The following OSBP2 variants were observed in gnomAD, a reference collection of about 807,000 sequenced individuals.
OSBP2 encodes the protein oxysterol-binding protein 2.
Under a neutral mutation model 96.0 loss-of-function variants are expected in OSBP2, and 66 were observed. The ratio of observed to expected loss-of-function variants is 0.69; its 90% CI spans 0.56 to 0.84. The LOEUF is 0.84. OSBP2 is among the 40% of genes least tolerant of loss of function. OSBP2 has a pLI of 0.00. For missense variants in OSBP2, 1,038 were observed against 1,222.7 expected (o/e 0.85, Z 2.25); for synonymous variants, 525 against 520.9 (o/e 1.01, Z -0.11).
chr22:30,895,311 C>A (rs2040039342), intron 12 of OSBP2, among the ~76,000 whole-genome samples: 1 of 151,738 alleles, frequency 6.6e-6, no homozygotes, highest in African/African-American at 2.4e-5. Flanking sequence ...ATAAATTTCC[C>A]AAAGTAAAAG....
At chr22:30,784,188 T>TA (rs1363488257) in intron 2 of OSBP2, among the ~76,000 whole-genome samples, 2 of 152,204 alleles carry the variant, frequency 1.3e-5, no homozygotes, top group Non-Finnish European at 2.9e-5. Flanking sequence ...CACTTAGTGA[T>TA]AAAAGTACCA....
At chr22:30,888,778 T>G (rs1281846305) in intron 5 of OSBP2, among the ~76,000 whole-genome samples, 1 of 152,128 alleles carries the variant, frequency 6.6e-6, no homozygotes, top group Non-Finnish European at 1.5e-5. Flanking sequence ...CATTGTTGTG[T>G]GAGCCTCATA....
chr22:30,881,650 CT>C lies in OSBP2; in HGVS notation c.1108-5774del. On this transcript the variant is annotated intron_variant, in intron 3 of 13. Coordinates refer to ENST00000332585, the MANE Select transcript of OSBP2 (RefSeq NM_030758.4). This position sits in a 1 kb window ranked among gnomAD's most constrained non-coding sequence, Gnocchi z 4.5. Reference sequence around the variant, plus strand: ...CTGCCGGGCCCCAAGCCTAATCCAGCTTATCAAGCACACAGCACACAGCCCA... The same window carrying C: ...CTGCCGGGCCCCAAGCCTAATCCAGCTATCAAGCACACAGCACACAGCCCA... 7.7e-7 allele frequency: 1 copy of C among 1,301,786 alleles called. No individual in the cohort carries two copies. The highest frequency in any genetic ancestry group is 1.2e-5 in the South Asian group (1 of 80,964). 80.6% of individuals were successfully genotyped at this position (1,301,786 alleles called of 1,614,324 possible). A position where few individuals can be genotyped will look rare whatever the true frequency, so the allele number is the denominator to read the frequency against.
chr22:30,736,097 G>A lies in OSBP2; in HGVS notation c.645-5064G>A, dbSNP rs577904302. ...CCCAGCTAATTTTTGTATTTTTAGT[G>A]GAGATGGGGTTTCACCATGTTGTCC... On this transcript the variant is annotated intron_variant, in intron 1 of 13. Transcript: ENST00000332585. 4.6e-5 allele frequency among the ~76,000 whole-genome samples: 7 copies of A among 151,850 alleles called. No individual in the cohort carries two copies. In the South Asian group the frequency reaches 1.5e-3, roughly 32 times the overall value.
At chr22:30,708,829 G>A (rs551680973) in intron 1 of OSBP2, among the ~76,000 whole-genome samples, 1 of 151,540 alleles carries the variant, frequency 6.6e-6, no homozygotes, top group South Asian at 2.1e-4. Flanking sequence ...GGCCAGGGGG[G>A]TTGGCTCATG....
intron 2 of OSBP2, among the ~76,000 whole-genome samples, chr22:30,776,305 A>G (rs1393014076): frequency 3.3e-5 from 5 of 151,350 alleles, no homozygotes; most frequent in East Asian, 1.9e-4. Flanking sequence ...TTTTATTTTT[A>G]GTGGAGATGG....
intron 3 of OSBP2, among the ~76,000 whole-genome samples, chr22:30,880,118 A>G (rs1215073289): frequency 6.6e-6 from 1 of 151,922 alleles, no homozygotes; most frequent in African/African-American, 2.4e-5. Context: ...CTGTTACTCC[A>G]GTGAGTCCCC....
At chr22:30,732,111 C>G (rs2089789695) in intron 1 of OSBP2, among the ~76,000 whole-genome samples, 1 of 152,148 alleles carries the variant, frequency 6.6e-6, no homozygotes, top group Non-Finnish European at 1.5e-5. Context: ...CAAGACCAGC[C>G]TCACTAACAT....
intron 2 of OSBP2, among the ~76,000 whole-genome samples, chr22:30,844,205 G>A (rs1427958582): frequency 6.6e-6 from 1 of 152,138 alleles, no homozygotes; most frequent in African/African-American, 2.4e-5. Flanking sequence ...GGGCCCTAGG[G>A]TCTTTGGAAT....
intron 1 of OSBP2, among the ~76,000 whole-genome samples, chr22:30,731,122 C>T (rs1230841461): frequency 1.3e-5 from 2 of 151,490 alleles, no homozygotes; most frequent in South Asian, 4.2e-4. Flanking sequence ...TGCAGTGAGC[C>T]GAGATCGCGC....
At chr22:30,710,887 A>G (rs1038932002) in intron 1 of OSBP2, among the ~76,000 whole-genome samples, 27 of 152,064 alleles carry the variant, frequency 1.8e-4, no homozygotes. Flanking sequence ...CTGGGATTAC[A>G]GGCGCCTGCC....
chr22:30,705,501 C>G (rs1243670685), intron 1 of OSBP2, among the ~76,000 whole-genome samples: 2 of 152,100 alleles, frequency 1.3e-5, no homozygotes, highest in South Asian at 2.1e-4. Flanking sequence ...CCATGTTGGT[C>G]AGGCTGGTCT....
chr22:30,742,860 C>A (rs1333864473), intron 2 of OSBP2, among the ~76,000 whole-genome samples: 1 of 152,170 alleles, frequency 6.6e-6, no homozygotes, highest in Non-Finnish European at 1.5e-5. Flanking sequence ...TTCCAGGAAG[C>A]CGGCTTGCTG....
At chr22:30,711,366 C>T (rs760625621) in intron 1 of OSBP2, among the ~76,000 whole-genome samples, 1 of 151,598 alleles carries the variant, frequency 6.6e-6, no homozygotes, top group Non-Finnish European at 1.5e-5. Flanking sequence ...TATCCTGGCT[C>T]GGTATAAAGC....
At position 30,755,545 on chromosome 22, in the gene OSBP2, C is replaced by T. The variant is rs543438927; in HGVS notation, c.853+14176C>T. The stretch of plus-strand genomic sequence containing the variant: ...TTTAAGCAGCTTCCGAAGTGTAGGC[C>T]TCTTTTGACTTCGGGAAGCTTTGTC... On this transcript the variant is annotated intron_variant, in intron 2 of 13. Coordinates refer to ENST00000332585, the MANE Select transcript of OSBP2 (RefSeq NM_030758.4). 5.9e-5 allele frequency among the ~76,000 whole-genome samples: 9 copies of T among 152,264 alleles called. No individual in the cohort carries two copies. In the South Asian group the frequency reaches 1.7e-3, roughly 28 times the overall value.
chr22:30,735,171 A>G (rs370418005), intron 1 of OSBP2, among the ~76,000 whole-genome samples: 17 of 152,340 alleles, frequency 1.1e-4, no homozygotes, highest in South Asian at 1.0e-3. Context: ...CAGCCTGGGC[A>G]ACAGAGTGAG....
intron 2 of OSBP2, among the ~76,000 whole-genome samples, chr22:30,841,157 T>C (rs774838842): frequency 2.6e-5 from 4 of 152,040 alleles, no homozygotes; most frequent in Non-Finnish European, 4.4e-5. Context: ...AGAGTGAGAC[T>C]CTGTCTCACA....
chr22:30,872,585 C>T (rs930893553), intron 3 of OSBP2: 68 of 359,108 alleles, frequency 1.9e-4, no homozygotes, highest in East Asian at 1.0e-3. Flanking sequence ...GGGAACATGG[C>T]GGCAGAGTCA....
chr22:30,716,758 A>G lies in OSBP2; in HGVS notation c.644+21205A>G, dbSNP rs1198239469. On this transcript the variant is annotated intron_variant, in intron 1 of 13. Transcript: ENST00000332585. The stretch of plus-strand genomic sequence containing the variant: ...TAGCCCCTTTGCTCATTTTTTAATC[A>G]TTTATTTGATTTTTGTTGTTGAGTT... 7.2e-5 allele frequency among the ~76,000 whole-genome samples: 11 copies of G among 152,128 alleles called. No homozygotes were observed. In the East Asian group the frequency reaches 1.9e-3, roughly 27 times the overall value.
Sources: gnomAD v4.1 joint callset for allele counts (sites outside exome capture counted in the v4.1 genomes callset) on GRCh38, gnomAD v4.1.1 for gene constraint, Gnocchi (gnomAD v3.1) non-coding constraint, MANE v1.5 for transcripts, NCBI Gene and HGNC (gene_info 2026-07-23, HGNC 2026-07-21) for gene names.